The following TNRC6A variants were observed in gnomAD, a reference collection of about 807,000 sequenced individuals.
TNRC6A encodes the protein trinucleotide repeat-containing gene 6A protein.
Under a neutral mutation model 221.2 loss-of-function variants are expected in TNRC6A, and 44 were observed. That is an observed-to-expected ratio of 0.20 (90% CI 0.16 to 0.26). The LOEUF (loss-of-function observed/expected upper bound fraction) is 0.26, where lower values mean the gene tolerates loss of function less well. TNRC6A is among the 10% of genes least tolerant of loss of function. TNRC6A has a pLI of 1.00. For missense variants in TNRC6A, 2,199 were observed against 2,404.4 expected (o/e 0.91, Z 1.79); for synonymous variants, 847 against 838.5 (o/e 1.01, Z -0.18).
At chr16:24,812,809 C>T (rs2058573826) in intron 18 of TNRC6A, among the ~76,000 whole-genome samples, 1 of 149,704 alleles carries the variant, frequency 6.7e-6, no homozygotes, top group Non-Finnish European at 1.5e-5. Context: ...AGCTACTTGG[C>T]AAGTAACTTA....
At chr16:24,618,636 T>C (rs1477481663) in intron 1 of TNRC6A, among the ~76,000 whole-genome samples, 1 of 148,024 alleles carries the variant, frequency 6.8e-6, no homozygotes, top group Non-Finnish European at 1.5e-5. Context: ...ACTTTCCATT[T>C]CATGAATTTT....
chr16:24,686,578 T>A (rs1438999070), intron 2 of TNRC6A, among the ~76,000 whole-genome samples: 4 of 152,264 alleles, frequency 2.6e-5, no homozygotes, highest in Middle Eastern at 3.4e-3. Context: ...CATTTGTCAG[T>A]CATTTGATTC....
At chr16:24,768,927 C>T (rs967159746) in intron 4 of TNRC6A, among the ~76,000 whole-genome samples, 8 of 152,148 alleles carry the variant, frequency 5.3e-5, no homozygotes, top group Non-Finnish European at 1.2e-4. Context: ...TGATTGTTGG[C>T]TGGTCCACAT....
At chr16:24,722,218 C>A (rs913794692) in intron 2 of TNRC6A, among the ~76,000 whole-genome samples, 5 of 152,104 alleles carry the variant, frequency 3.3e-5, no homozygotes, top group African/African-American at 9.7e-5. Context: ...GAAGACCAGC[C>A]TGAGCAACAC....
At chr16:24,809,638 A>C in intron 18 of TNRC6A, 157 bp downstream of exon 18, 1 of 875,784 alleles carries the variant, frequency 1.1e-6, no homozygotes. Flanking sequence ...TCTTAGTTAC[A>C]ATAAGAGACT....
At chr16:24,732,094 G>A (rs555615457) in intron 2 of TNRC6A, among the ~76,000 whole-genome samples, 8 of 152,204 alleles carry the variant, frequency 5.3e-5, no homozygotes, top group African/African-American at 1.9e-4. Flanking sequence ...CGGTCAGAAG[G>A]CATGAAAGGA....
chr16:24,647,398 GATAAA>G (rs911041760), intron 2 of TNRC6A, among the ~76,000 whole-genome samples: 1 of 152,104 alleles, frequency 6.6e-6, no homozygotes, highest in Non-Finnish European at 1.5e-5. Context: ...CTCTAATCCT[GATAAA>G]ATAAAATCTA....
Position 24,771,566 on chromosome 16 carries a change from G to GTTATGTT in TNRC6A, c.164-5366_164-5360dup, listed in dbSNP as rs1555502144. 5.2e-4 allele frequency among the ~76,000 whole-genome samples: 50 copies of GTTATGTT among 96,584 alleles called. 1 individual carries two copies. The highest frequency in any genetic ancestry group is 1.6e-3 in the East Asian group (6 of 3,708). The allele number at this position is 96,584 out of a possible 152,430, so 63.4% of individuals were successfully genotyped here. A position where few individuals can be genotyped will look rare whatever the true frequency, so the allele number is the denominator to read the frequency against. On this transcript the variant is annotated intron_variant, in intron 4 of 24. Transcript: ENST00000395799. ...TATGTTATGTTATGTTATGTTTTAT[G>GTTATGTT]TTATGTTATGTTATGTTGTTATGTT...
chr16:24,633,134 G>A (rs568362300), intron 1 of TNRC6A, among the ~76,000 whole-genome samples: 2 of 152,098 alleles, frequency 1.3e-5, no homozygotes, highest in Non-Finnish European at 2.9e-5. Context: ...CTGCTTTGCA[G>A]GTACTTGAAC....
At chr16:24,675,702 C>CTCTCTCTCTCTCTCTA (rs1180245687) in intron 2 of TNRC6A, among the ~76,000 whole-genome samples, 1 of 33,264 alleles carries the variant, frequency 3.0e-5, no homozygotes, top group East Asian at 1.0e-3. Flanking sequence ...CTCTCTCTCT[C>CTCTCTCTCTCTCTCTA]TATATATATA....
intron 8 of TNRC6A, among the ~76,000 whole-genome samples, chr16:24,795,214 G>A (rs6497760): frequency 0.26 from 38,840 of 152,096 alleles, 5,125 homozygotes; most frequent in Middle Eastern, 0.32. Flanking sequence ...TTGCTTTTAT[G>A]TGTGGACAAA....
intron 3 of TNRC6A, among the ~76,000 whole-genome samples, chr16:24,752,798 T>C (rs954969451): frequency 6.6e-6 from 1 of 152,170 alleles, no homozygotes; most frequent in African/African-American, 2.4e-5. Flanking sequence ...CATCTGAGTG[T>C]TGAATTAGGC....
chr16:24,660,274 T>C (rs1466448331), intron 2 of TNRC6A, among the ~76,000 whole-genome samples: 1 of 152,104 alleles, frequency 6.6e-6, no homozygotes, highest in African/African-American at 2.4e-5. Context: ...TGTGTCATTC[T>C]TATGCCTTTG....
chr16:24,796,063 T>C (rs1014269241), intron 9 of TNRC6A, 124 bp downstream of exon 9: 33 of 1,016,134 alleles, frequency 3.2e-5, no homozygotes, highest in Admixed American at 2.3e-4. Context: ...GGGATTCAAA[T>C]ACACTAAGAT....
At chr16:24,805,398 T>A (rs991956302) in intron 14 of TNRC6A, 2 of 870,548 alleles carry the variant, frequency 2.3e-6, no homozygotes, top group Admixed American at 5.9e-5. Context: ...TAAAATTGAC[T>A]AGTTTAAGAT....
At chr16:24,707,350 GCACACACACA>G (rs34395729) in intron 2 of TNRC6A, among the ~76,000 whole-genome samples, 29 of 149,616 alleles carry the variant, frequency 1.9e-4, no homozygotes, top group African/African-American at 5.9e-4. Context: ...GAACATGGGC[GCACACACACA>G]CACACACACA....
At chr16:24,805,836 G>A (rs1478572689) in intron 15 of TNRC6A, 103 bp downstream of exon 15, 14 of 1,422,538 alleles carry the variant, frequency 9.8e-6, no homozygotes, top group African/African-American at 5.6e-5. Flanking sequence ...CAAAACAGGC[G>A]TAGTCATAGT....
Position 24,823,288 on chromosome 16 carries a change from G to A in TNRC6A, c.5514-144G>A. On this transcript the variant is annotated intron_variant, in intron 24 of 24. Transcript: ENST00000395799. The surrounding 1 kb of genome is among the most constrained non-coding windows in gnomAD (Gnocchi z 4.3). ...GTGGGTGCACACTCGGGTGAAGGGA[G>A]GGCACGCAGGTTATGTGGTGTAGTC... The A allele has an allele frequency of 9.3e-7, 1 of 1,080,004 alleles. No homozygotes were observed. Among genetic ancestry groups the A allele is most frequent in the Non-Finnish European group, 1.3e-6 (1 of 762,054 alleles). The allele number at this position is 1,080,004 out of a possible 1,614,324, so 66.9% of individuals were successfully genotyped here.
intron 2 of TNRC6A, among the ~76,000 whole-genome samples, chr16:24,666,639 G>GAAAA (rs1164353374): frequency 1.1e-3 from 36 of 31,488 alleles, no homozygotes; most frequent in South Asian, 1.8e-3. Context: ...CTGTCTTAGA[G>GAAAA]AAAAAAAAAA....
Sources: allele counts gnomAD v4.1 joint callset (sites outside exome capture counted in the v4.1 genomes callset), GRCh38; gene constraint gnomAD v4.1.1; non-coding constraint Gnocchi (gnomAD v3.1); transcripts MANE v1.5; gene names NCBI Gene and HGNC (gene_info 2026-07-23, HGNC 2026-07-21).